RHOU: variants seen among roughly 807,000 people sequenced by gnomAD.
RHOU encodes ras homolog family member U.
Under a neutral mutation model 12.6 loss-of-function variants are expected in RHOU, and 8 were observed. The ratio of observed to expected loss-of-function variants is 0.64; its 90% CI spans 0.37 to 1.15. RHOU has a LOEUF of 1.15. RHOU is among the 50% of genes most tolerant of loss of function. The pLI, the probability that RHOU is intolerant of heterozygous loss-of-function variation, is 0.01. For missense variants in RHOU, 258 were observed against 347.0 expected, an observed-to-expected ratio of 0.74 and a Z score of 2.04; for synonymous variants, 161 against 147.4, an observed-to-expected ratio of 1.09 and a Z score of -0.67.
the RHOU span, among the ~76,000 whole-genome samples, chr1:228,722,573 C>T: frequency 6.6e-6 from 1 of 152,122 alleles, no homozygotes; most frequent in Non-Finnish European, 1.5e-5. Flanking sequence ...TCTTCCTTTT[C>T]TCAGTCAATG....
the RHOU span, among the ~76,000 whole-genome samples, chr1:228,674,201 A>G: frequency 6.6e-6 from 1 of 151,966 alleles, no homozygotes; most frequent in African/African-American, 2.4e-5. Context: ...CCATTTTTCT[A>G]TTTGTCTTTT....
the RHOU span, among the ~76,000 whole-genome samples, chr1:228,723,432 C>T: frequency 6.6e-6 from 1 of 152,204 alleles, no homozygotes; most frequent in Non-Finnish European, 1.5e-5. Flanking sequence ...CCTGAAGAAA[C>T]TAGCCCTCCT....
the RHOU span, chr1:228,650,536 G>T: frequency 2.2e-6 from 1 of 456,842 alleles, no homozygotes; most frequent in South Asian, 1.5e-5. Flanking sequence ...GAAGCTGTGC[G>T]AGGAGAGTGC....
the RHOU span, among the ~76,000 whole-genome samples, chr1:228,697,244 C>T: frequency 1.3e-5 from 2 of 152,224 alleles, no homozygotes; most frequent in Non-Finnish European, 2.9e-5. Flanking sequence ...CTTTAGGATT[C>T]AGAGCTCCCC....
chr1:228,650,285 T>C, the RHOU span: 12 of 464,176 alleles, frequency 2.6e-5, no homozygotes, highest in Non-Finnish European at 4.8e-5. Context: ...TGCAAGATGC[T>C]CCGCAAGGAG....
the RHOU span, among the ~76,000 whole-genome samples, chr1:228,707,756 C>T: frequency 7.9e-5 from 12 of 152,178 alleles, no homozygotes; most frequent in South Asian, 2.5e-3. Flanking sequence ...AGTGCCTCTC[C>T]TCCTCCAAAG....
chr1:228,664,017 C>T, the RHOU span, among the ~76,000 whole-genome samples: 1 of 131,014 alleles, frequency 7.6e-6, no homozygotes, highest in Non-Finnish European at 1.6e-5. Flanking sequence ...CTCCCCTCTC[C>T]TTTTTTTCTC....
chr1:228,672,622 G>A, the RHOU span, among the ~76,000 whole-genome samples: 1 of 152,194 alleles, frequency 6.6e-6, no homozygotes. Context: ...CAAAGATGAT[G>A]ATGCACATGC....
At chr1:228,663,625 C>CTTTTTTT in the RHOU span, among the ~76,000 whole-genome samples, 106 of 58,754 alleles carry the variant, frequency 1.8e-3, 1 homozygote, top group Non-Finnish European at 2.6e-3. Context: ...CTTTTCTTTT[C>CTTTTTTT]TTTTTTTTTT....
chr1:228,721,721 C>G, the RHOU span, among the ~76,000 whole-genome samples: 1 of 152,336 alleles, frequency 6.6e-6, no homozygotes, highest in East Asian at 1.9e-4. Flanking sequence ...AGGGCAATGG[C>G]GGGATCTCGG....
the RHOU span, chr1:228,650,379 C>T: frequency 2.2e-6 from 1 of 459,702 alleles, no homozygotes; most frequent in South Asian, 1.5e-5. Flanking sequence ...TCAACATCAA[C>T]CTCTATTCAC....
At chr1:228,714,577 C>T in the RHOU span, among the ~76,000 whole-genome samples, 1 of 152,136 alleles carries the variant, frequency 6.6e-6, no homozygotes, top group Admixed American at 6.6e-5. Flanking sequence ...ATCCATTTCA[C>T]CTAATTTTTC....
At chr1:228,704,358 T>TA in the RHOU span, among the ~76,000 whole-genome samples, 1 of 152,176 alleles carries the variant, frequency 6.6e-6, no homozygotes, top group Non-Finnish European at 1.5e-5. Flanking sequence ...ACTCTCTAAA[T>TA]TGATTGAGAC....
chr1:228,696,524 G>A, the RHOU span, among the ~76,000 whole-genome samples: 1 of 151,914 alleles, frequency 6.6e-6, no homozygotes, highest in African/African-American at 2.4e-5. Flanking sequence ...GTAGTTTATT[G>A]TCTAACCAAG....
the RHOU span, among the ~76,000 whole-genome samples, chr1:228,712,837 TAAAATA>T: frequency 2.3e-5 from 2 of 86,966 alleles, no homozygotes; most frequent in African/African-American, 1.3e-4. Flanking sequence ...ATAAATAAAA[TAAAATA>T]AAATAAAATA....
chr1:228,746,287 T>TA lies in RHOU; in HGVS notation c.*2550dup, dbSNP rs1357075342. 6.6e-6 allele frequency: 1 copy of TA among 152,256 alleles called. No individual in the cohort carries two copies. The highest frequency in any genetic ancestry group is 2.4e-5 in the African/African-American group (1 of 41,478). The allele number at this position is 152,256 out of a possible 1,614,324, so 9.4% of individuals were successfully genotyped here. On this transcript the variant is annotated 3_prime_UTR_variant, in exon 3 of 3. Coordinates refer to ENST00000366691, the MANE Select transcript of RHOU (RefSeq NM_021205.6). ...GTTCACTTCAAAGCTAAAAAATTGT[T>TA]AAACTTGCAGCTTGGTATTGCAGAG...
rs962359013 is a variant in RHOU at position 228,737,184 on chromosome 1, G to C, written c.263-489G>C. On this transcript the variant is annotated intron_variant, in intron 1 of 2. Coordinates refer to ENST00000366691, the MANE Select transcript of RHOU (RefSeq NM_021205.6). This position sits in a 1 kb window ranked among gnomAD's most constrained non-coding sequence, Gnocchi z 4.1. ...AGGAGTGCCCTCATTTCTTAAACAG[G>C]ACAATGCGGGCAGCCTGTGTTTGCA... 1.3e-5 allele frequency among the ~76,000 whole-genome samples: 2 copies of C among 152,154 alleles called. No homozygotes were observed. Among genetic ancestry groups the C allele is most frequent in the Non-Finnish European group, 2.9e-5 (2 of 68,028 alleles).
At chr1:228,674,284 C>T in the RHOU span, among the ~76,000 whole-genome samples, 4 of 150,422 alleles carry the variant, frequency 2.7e-5, no homozygotes, top group African/African-American at 4.9e-5. Flanking sequence ...TTAATGCAAT[C>T]GTTTGAGGTT....
At chr1:228,687,816 A>G in the RHOU span, 2 of 1,264,938 alleles carry the variant, frequency 1.6e-6, no homozygotes, top group Middle Eastern at 2.6e-4. Flanking sequence ...GGACAGTGAT[A>G]ATGAAAGCTA....
Sources: gnomAD v4.1 joint callset for allele counts (sites outside exome capture counted in the v4.1 genomes callset) on GRCh38, gnomAD v4.1.1 for gene constraint, Gnocchi (gnomAD v3.1) non-coding constraint, MANE v1.5 for transcripts, NCBI Gene and HGNC (gene_info 2026-07-23, HGNC 2026-07-21) for gene names.